Variants in CADPS2 observed in about 807,000 individuals in gnomAD.
CADPS2 encodes the protein calcium-dependent secretion activator 2.
In CADPS2, 93 loss-of-function variants were observed where a neutral mutation model predicts 172.5. The ratio of observed to expected loss-of-function variants is 0.54; its 90% CI spans 0.46 to 0.64. The LOEUF (loss-of-function observed/expected upper bound fraction) is 0.64, where lower values mean the gene tolerates loss of function less well. Among genes scored for constraint, CADPS2 ranks in the 30% least tolerant of loss-of-function variants. The pLI is 0.00. For missense variants in CADPS2, 1,420 were observed against 1,565.9 expected (o/e 0.91, Z 1.57); for synonymous variants, 546 against 555.2 (o/e 0.98, Z 0.23).
At chr7:122,849,354 C>A (rs1812896157) in intron 1 of CADPS2, among the ~76,000 whole-genome samples, 2 of 152,148 alleles carry the variant, frequency 1.3e-5, no homozygotes, top group Non-Finnish European at 2.9e-5. Context: ...TTTTAATTTG[C>A]ATTTTACCAA....
At chr7:122,511,725 T>C (rs908851527) in intron 9 of CADPS2, among the ~76,000 whole-genome samples, 2 of 152,142 alleles carry the variant, frequency 1.3e-5, no homozygotes, top group African/African-American at 4.8e-5. Flanking sequence ...GCTGTTTCCA[T>C]GAAAAATCAG....
chr7:122,707,996 T>G (rs1162178590), intron 2 of CADPS2, among the ~76,000 whole-genome samples: 1 of 151,800 alleles, frequency 6.6e-6, no homozygotes, highest in Non-Finnish European at 1.5e-5. Flanking sequence ...GTGTATAACA[T>G]GATGCTGTAA....
chr7:122,583,606 T>C (rs2069158713), intron 6 of CADPS2, among the ~76,000 whole-genome samples: 1 of 151,026 alleles, frequency 6.6e-6, no homozygotes, highest in Non-Finnish European at 1.5e-5. Flanking sequence ...ATGTAATATA[T>C]GCATATGATA....
intron 2 of CADPS2, among the ~76,000 whole-genome samples, chr7:122,691,240 A>G (rs1564076154): frequency 6.6e-6 from 1 of 152,178 alleles, no homozygotes; most frequent in Non-Finnish European, 1.5e-5. Flanking sequence ...TGGGCAGCAT[A>G]TGTAGTTACT....
intron 3 of CADPS2, among the ~76,000 whole-genome samples, chr7:122,650,575 C>T (rs1300751758): frequency 6.6e-6 from 1 of 152,096 alleles, no homozygotes. Flanking sequence ...AATCTATATT[C>T]ATTATCTAGG....
At chr7:122,619,377 G>C (rs1178233113) in intron 5 of CADPS2, among the ~76,000 whole-genome samples, 2 of 151,060 alleles carry the variant, frequency 1.3e-5, no homozygotes. Flanking sequence ...TGTAATCCTA[G>C]CACTTTGGGT....
At chr7:122,721,790 CA>C (rs1370105145) in intron 2 of CADPS2, among the ~76,000 whole-genome samples, 3 of 152,122 alleles carry the variant, frequency 2.0e-5, no homozygotes. Context: ...CAAAAATCCT[CA>C]ATAAAATACT....
rs145264090 is a variant in CADPS2, at chr7:122,619,589, T to G, written c.1104+1892A>C. Among the ~76,000 whole-genome samples the G allele has an allele frequency of 1.9e-3, 289 of 152,286 alleles. 1 individual carries two copies. The highest frequency in any genetic ancestry group is 6.7e-3 in the African/African-American group (278 of 41,566). ...TTGTGGTGAGCAGAGATAGTGCCAC[T>G]GTACTCCAGTTTGGGCAACAGAGAG... On this transcript the variant is annotated intron_variant, in intron 5 of 29. Coordinates refer to ENST00000449022, the MANE Select transcript of CADPS2 (RefSeq NM_017954.11).
At chr7:122,788,237 T>C (rs761452464) in intron 1 of CADPS2, among the ~76,000 whole-genome samples, 90 of 152,202 alleles carry the variant, frequency 5.9e-4, no homozygotes, top group Non-Finnish European at 1.1e-3. Context: ...CTGGGAAACT[T>C]TGTGCTCTAA....
At chr7:122,323,874 TATATATATATATATATATATA>T (rs1328833668) in intron 29 of CADPS2, among the ~76,000 whole-genome samples, 1 of 15,000 alleles carries the variant, frequency 6.7e-5, no homozygotes, top group Admixed American at 3.3e-4. Context: ...ATGTATATTT[TATATATATATATATATATATA>T]TATATATATA....
chr7:122,672,109 T>A (rs943090946), intron 2 of CADPS2, among the ~76,000 whole-genome samples: 1 of 152,192 alleles, frequency 6.6e-6, no homozygotes, highest in African/African-American at 2.4e-5. Context: ...CTTCCTATAA[T>A]CTGTGTTCTT....
intron 1 of CADPS2, among the ~76,000 whole-genome samples, chr7:122,835,021 G>C (rs1047943189): frequency 3.9e-5 from 6 of 152,144 alleles, no homozygotes; most frequent in East Asian, 3.9e-4. Context: ...TAGCCTAATG[G>C]GGAGGCACCC....
At chr7:122,680,178 T>A (rs1423974865) in intron 2 of CADPS2, among the ~76,000 whole-genome samples, 1 of 152,232 alleles carries the variant, frequency 6.6e-6, no homozygotes, top group Non-Finnish European at 1.5e-5. Flanking sequence ...TATTTACTAA[T>A]CCATGAATTC....
At chr7:122,434,413 A>G (rs1355530776) in intron 17 of CADPS2, among the ~76,000 whole-genome samples, 2 of 152,202 alleles carry the variant, frequency 1.3e-5, no homozygotes, top group Non-Finnish European at 2.9e-5. Context: ...ACTTGCTTAT[A>G]ACATTGCATA....
intron 1 of CADPS2, among the ~76,000 whole-genome samples, chr7:122,830,384 T>C (rs917052986): frequency 6.6e-6 from 1 of 150,592 alleles, no homozygotes; most frequent in African/African-American, 2.4e-5. Flanking sequence ...AATATTCTTA[T>C]TCTGACACTG....
chr7:122,525,647 T>C (rs771336712), intron 8 of CADPS2, among the ~76,000 whole-genome samples: 2 of 152,174 alleles, frequency 1.3e-5, no homozygotes, highest in African/African-American at 4.8e-5. Context: ...AAATGCATCA[T>C]GAGGCAATTT....
chr7:122,774,269 T>TACACACACACACAC (rs56843003), intron 1 of CADPS2, among the ~76,000 whole-genome samples: 91 of 143,066 alleles, frequency 6.4e-4, no homozygotes, highest in Non-Finnish European at 1.2e-3. Context: ...TAGATAGATA[T>TACACACACACACAC]ACACACACAC....
intron 1 of CADPS2, among the ~76,000 whole-genome samples, chr7:122,821,136 A>AC (rs1271506106): frequency 2.0e-5 from 3 of 151,578 alleles, no homozygotes; most frequent in Non-Finnish European, 4.4e-5. Context: ...ACCACACCTG[A>AC]CCCCCATGAC....
chr7:122,392,649 T>C (rs2151486303), intron 22 of CADPS2, among the ~76,000 whole-genome samples: 1 of 152,260 alleles, frequency 6.6e-6, no homozygotes, highest in South Asian at 2.1e-4. Flanking sequence ...AATACCAAGA[T>C]GTACCAACTA....
Sources: gnomAD v4.1 joint callset for allele counts (sites outside exome capture counted in the v4.1 genomes callset) on GRCh38, gnomAD v4.1.1 for gene constraint, MANE v1.5 for transcripts, NCBI Gene and HGNC (gene_info 2026-07-23, HGNC 2026-07-21) for gene names.